The following TTLL11 variants were observed in gnomAD, a reference collection of about 807,000 sequenced individuals.
TTLL11 encodes the protein tubulin polyglutamylase TTLL11.
In TTLL11, 42 loss-of-function variants were observed where a neutral mutation model predicts 51.7. The observed-to-expected ratio is 0.81, with a 90% CI of 0.64 to 1.05. The LOEUF (loss-of-function observed/expected upper bound fraction) is 1.05. Ranked by LOEUF, TTLL11 falls within the 50% of genes least tolerant of loss-of-function variation. The pLI, the probability that TTLL11 is intolerant of heterozygous loss-of-function variation, is 0.00. For synonymous variants in TTLL11, 381 were observed against 383.5 expected (o/e 0.99, Z 0.08); for missense variants, 799 against 940.4 (o/e 0.85, Z 1.97).
chr9:121,989,601 G>A lies in TTLL11; in HGVS notation c.863C>T (p.Pro288Leu). Residue 288 changes from proline to leucine, a missense_variant, in exon 4 of 9, where the codon CCT (proline) becomes CTT (leucine). Physicochemically the swap from Pro to Leu is moderately conservative, Grantham distance 98. Around this residue, in one of 3 missense-constraint regions of TTLL11, gnomAD observed 468 missense variants for 612.8 expected, o/e 0.76. Coordinates refer to ENST00000321582, the MANE Select transcript of TTLL11 (RefSeq NM_001139442.2). The surrounding 1 kb of genome is among the most constrained non-coding windows in gnomAD (Gnocchi z 4.2). ...PAVVQEYICK[P>L]LLIDKLKFDI... The stretch of plus-strand genomic sequence containing the variant: ...AAACTTGAGCTTGTCGATAAGGAGA[G>A]GTTTGCAGATGTACTCCTGGACCAC... 1.2e-6 allele frequency: 2 copies of A among 1,614,114 alleles called. No individual in the cohort carries two copies. Among genetic ancestry groups the A allele is most frequent in the Non-Finnish European group, 1.7e-6 (2 of 1,180,030 alleles).
chr9:121,965,332 G>T (rs1311750739), intron 6 of TTLL11, among the ~76,000 whole-genome samples: 2 of 152,188 alleles, frequency 1.3e-5, no homozygotes, highest in African/African-American at 4.8e-5. Context: ...GGAGGCCTCA[G>T]GAAACTTACA....
intron 6 of TTLL11, among the ~76,000 whole-genome samples, chr9:121,879,238 A>G (rs1838682484): frequency 6.6e-6 from 1 of 152,108 alleles, no homozygotes; most frequent in South Asian, 2.1e-4. Flanking sequence ...ATTCACCCCG[A>G]GGACCTCAGG....
intron 1 of TTLL11, among the ~76,000 whole-genome samples, chr9:122,044,091 G>A (rs904740626): frequency 6.6e-5 from 10 of 152,022 alleles, no homozygotes; most frequent in Non-Finnish European, 1.5e-4. Flanking sequence ...TCCCACCTAC[G>A]AGTGAGAACG....
intron 1 of TTLL11, among the ~76,000 whole-genome samples, chr9:122,070,011 A>ACACACG (rs1554791316): frequency 6.6e-6 from 1 of 151,292 alleles, no homozygotes; most frequent in African/African-American, 2.4e-5. Flanking sequence ...ACACACACAC[A>ACACACG]CGCGCACACA....
chr9:121,850,349 T>G (rs944168445), intron 8 of TTLL11, among the ~76,000 whole-genome samples: 2 of 151,900 alleles, frequency 1.3e-5, no homozygotes, highest in Non-Finnish European at 1.5e-5. Flanking sequence ...CCAAGTCTGA[T>G]GGCCCACGAA....
intron 1 of TTLL11, among the ~76,000 whole-genome samples, chr9:122,051,830 C>G (rs1322145314): frequency 6.6e-6 from 1 of 152,142 alleles, no homozygotes; most frequent in African/African-American, 2.4e-5. Flanking sequence ...TAACTTTCCC[C>G]TTGGTCAGGG....
chr9:121,969,602 C>A (rs1842501208), intron 6 of TTLL11, among the ~76,000 whole-genome samples: 1 of 152,106 alleles, frequency 6.6e-6, no homozygotes, highest in Non-Finnish European at 1.5e-5. Flanking sequence ...ACAAACTGTT[C>A]TCAAGAAATA....
chr9:122,011,714 G>A (rs1215908608), intron 3 of TTLL11, among the ~76,000 whole-genome samples: 1 of 152,058 alleles, frequency 6.6e-6, no homozygotes, highest in East Asian at 1.9e-4. Flanking sequence ...TAACATCTGG[G>A]GTTGCATGGA....
At chr9:121,862,570 C>T (rs945499407) in intron 7 of TTLL11, among the ~76,000 whole-genome samples, 3 of 152,168 alleles carry the variant, frequency 2.0e-5, no homozygotes, top group African/African-American at 4.8e-5. Flanking sequence ...AAATGGAGTA[C>T]ACCAGTTGGA....
rs1485680337 is a variant in TTLL11 at position 121,995,015 on chromosome 9, G to A, written c.694-5245C>T. 6.6e-6 allele frequency among the ~76,000 whole-genome samples: 1 copy of A among 152,216 alleles called. No individual in the cohort carries two copies. Among genetic ancestry groups the A allele is most frequent in the African/African-American group, 2.4e-5 (1 of 41,448 alleles). ...AGGGAATATAAGGGAATGAGGAAAG[G>A]CAGAGGGGAGGCAGTGGGAAGATGA... On this transcript the variant is annotated intron_variant, in intron 3 of 8. Coordinates refer to ENST00000321582, the MANE Select transcript of TTLL11 (RefSeq NM_001139442.2). The surrounding 1 kb of genome is among the most constrained non-coding windows in gnomAD (Gnocchi z 4.4).
intron 2 of TTLL11, among the ~76,000 whole-genome samples, chr9:122,032,861 C>G (rs1844593456): frequency 6.8e-6 from 1 of 147,182 alleles, no homozygotes; most frequent in Admixed American, 6.9e-5. Flanking sequence ...GTGGCATGAT[C>G]TCAGCTCATT....
intron 8 of TTLL11, among the ~76,000 whole-genome samples, chr9:121,826,570 T>TATATATATATATATATAC (rs1836811517): frequency 8.9e-6 from 1 of 112,488 alleles, no homozygotes; most frequent in East Asian, 2.9e-4. Context: ...TATATATATA[T>TATATATATATATATATAC]ATATATATAT....
chr9:121,912,080 T>C lies in TTLL11; in HGVS notation c.1482-41332A>G, dbSNP rs981096452. 3.3e-5 allele frequency among the ~76,000 whole-genome samples: 5 copies of C among 152,348 alleles called. 1 individual carries two copies. The highest frequency in any genetic ancestry group is 4.1e-4 in the South Asian group (2 of 4,832). On this transcript the variant is annotated intron_variant, in intron 6 of 8. Coordinates refer to ENST00000321582, the MANE Select transcript of TTLL11 (RefSeq NM_001139442.2). Reference sequence around the variant, plus strand: ...CCTGGCCTGGGCATTCCAAGCTGAATTGGACACAGTGCTCCTGCTCTTAGG... The same window carrying C: ...CCTGGCCTGGGCATTCCAAGCTGAACTGGACACAGTGCTCCTGCTCTTAGG...
chr9:122,075,002 A>T (rs1385817338), intron 1 of TTLL11, among the ~76,000 whole-genome samples: 11 of 152,184 alleles, frequency 7.2e-5, no homozygotes, highest in African/African-American at 2.2e-4. Context: ...AAATTTTTTT[A>T]AAAATCCCTC....
chr9:121,878,463 T>C (rs1250144581), intron 6 of TTLL11, among the ~76,000 whole-genome samples: 1 of 152,176 alleles, frequency 6.6e-6, no homozygotes, highest in Non-Finnish European at 1.5e-5. Flanking sequence ...AAGGACCCCA[T>C]GGCGACAACA....
intron 6 of TTLL11, among the ~76,000 whole-genome samples, chr9:121,958,651 G>A (rs1173328974): frequency 5.3e-5 from 8 of 152,092 alleles, no homozygotes; most frequent in South Asian, 4.1e-4. Context: ...ACCTACCCTC[G>A]AACACATAGA....
At chr9:122,018,960 AAC>A (rs980304791) in intron 3 of TTLL11, among the ~76,000 whole-genome samples, 1 of 152,148 alleles carries the variant, frequency 6.6e-6, no homozygotes, top group Non-Finnish European at 1.5e-5. Flanking sequence ...TTGAGCAACA[AAC>A]ACTTGCCATC....
chr9:121,911,641 A>G (rs1238943029), intron 6 of TTLL11, among the ~76,000 whole-genome samples: 1 of 152,222 alleles, frequency 6.6e-6, no homozygotes, highest in Non-Finnish European at 1.5e-5. Context: ...TTGCAGGGAC[A>G]TGGATGAAGC....
chr9:121,908,095 A>AT (rs773656974), intron 6 of TTLL11, among the ~76,000 whole-genome samples: 2 of 152,234 alleles, frequency 1.3e-5, no homozygotes, highest in Non-Finnish European at 2.9e-5. Context: ...ACTGATGTCT[A>AT]GCATTCAAAC....
Sources: gnomAD v4.1 joint callset for allele counts (sites outside exome capture counted in the v4.1 genomes callset) on GRCh38, gnomAD v4.1.1 for gene constraint, gnomAD v4.1.1 regional missense constraint, Gnocchi (gnomAD v3.1) non-coding constraint, MANE v1.5 for transcripts, NCBI Gene and HGNC (gene_info 2026-07-23, HGNC 2026-07-21) for gene names.